DCAF8L2: variants seen among roughly 807,000 people sequenced by gnomAD.
DCAF8L2 encodes the protein DDB1- and CUL4-associated factor 8-like protein 2.
For missense variants in DCAF8L2, 430 were observed against 490.7 expected (o/e 0.88, Z 1.17); for synonymous variants, 200 against 190.9 (o/e 1.05, Z -0.39).
chrX:27,577,595 G>A, the DCAF8L2 span, among the ~76,000 whole-genome samples: 2 of 111,889 alleles, frequency 1.8e-5, no homozygotes, highest in Admixed American at 9.5e-5. Context: ...CAAATAAGAA[G>A]AGAGGAAGTC....
At chrX:27,586,928 G>A (rs1925914552), upstream of DCAF8L2, among the ~76,000 whole-genome samples, 1 of 110,737 alleles carries the variant, frequency 9.0e-6, no homozygotes, top group Non-Finnish European at 1.9e-5. Flanking sequence ...TATTTCTTGA[G>A]CTTTTGGAAA....
At chrX:27,669,235 A>AAAAC (rs756440219) in intron 2 of DCAF8L2, among the ~76,000 whole-genome samples, 17 of 111,338 alleles carry the variant, frequency 1.5e-4, no homozygotes, top group African/African-American at 4.2e-4. Flanking sequence ...TTAATAATAT[A>AAAAC]AAACATTTAT....
At chrX:27,589,114 AG>A, upstream of DCAF8L2, among the ~76,000 whole-genome samples, 1 of 15,199 alleles carries the variant, frequency 6.6e-5, no homozygotes, top group African/African-American at 2.6e-4. Flanking sequence ...ATTTAGTGGT[AG>A]AGATCCATGA....
intron 2 of DCAF8L2, among the ~76,000 whole-genome samples, chrX:27,635,073 C>A (rs921665943): frequency 3.6e-5 from 4 of 110,831 alleles, no homozygotes; most frequent in African/African-American, 1.3e-4. Flanking sequence ...AGCTCTTATG[C>A]GTAGTGTAAT....
intron 1 of DCAF8L2, among the ~76,000 whole-genome samples, chrX:27,599,320 G>GT (rs1214989205): frequency 2.7e-5 from 3 of 111,363 alleles, no homozygotes; most frequent in Non-Finnish European, 5.6e-5. Context: ...ATCTGGAGGA[G>GT]TCAAACTCAT....
At chrX:27,549,329 C>T in the DCAF8L2 span, among the ~76,000 whole-genome samples, 3 of 111,151 alleles carry the variant, frequency 2.7e-5, no homozygotes, top group Non-Finnish European at 3.8e-5. Flanking sequence ...AATTATTGAT[C>T]ACAAGTACAT....
the DCAF8L2 span, among the ~76,000 whole-genome samples, chrX:27,533,637 G>T: frequency 9.0e-6 from 1 of 111,078 alleles, no homozygotes; most frequent in Non-Finnish European, 1.9e-5. Flanking sequence ...ATCATATCTG[G>T]TGTATTCTTG....
intron 3 of DCAF8L2, among the ~76,000 whole-genome samples, chrX:27,713,791 G>T (rs1256370506): frequency 9.0e-6 from 1 of 111,417 alleles, no homozygotes; most frequent in East Asian, 2.8e-4. Context: ...GTGTTCCAAT[G>T]AAACTTGATT....
the DCAF8L2 span, among the ~76,000 whole-genome samples, chrX:27,573,233 A>ATCTCTC: frequency 0.016 from 1,320 of 83,451 alleles, 14 homozygotes; most frequent in African/African-American, 0.036. Context: ...TATTTAAGAA[A>ATCTCTC]TCTCTCTCTC....
chrX:27,669,559 T>C lies in DCAF8L2; in HGVS notation c.-219-8277T>C, dbSNP rs921021953. On this transcript the variant is annotated intron_variant, in intron 2 of 4. Transcript: ENST00000451261. Reference sequence around the variant, plus strand: ...GTTACATATGTATACATGCGCCATGTTAGTGTGCTGCACCCATTAACTCAT... The same window carrying C: ...GTTACATATGTATACATGCGCCATGCTAGTGTGCTGCACCCATTAACTCAT... Among the ~76,000 whole-genome samples, 7 of 109,957 alleles carry C rather than the reference T, an allele frequency of 6.4e-5. No homozygotes were observed. The Admixed American group carries it at 6.9e-4, about 11-fold the overall frequency.
chrX:27,477,944 A>G, the DCAF8L2 span, among the ~76,000 whole-genome samples: 1 of 111,510 alleles, frequency 9.0e-6, no homozygotes, highest in Non-Finnish European at 1.9e-5. Flanking sequence ...TAGCTCATCA[A>G]GTAGGGATAT....
chrX:27,702,050 G>A (rs888403387), intron 3 of DCAF8L2, among the ~76,000 whole-genome samples: 2 of 110,972 alleles, frequency 1.8e-5, no homozygotes, highest in Non-Finnish European at 3.8e-5. Flanking sequence ...CCTTAGATAC[G>A]AGAAAATAAT....
chrX:27,745,112 C>A (rs1602818479), intron 4 of DCAF8L2, among the ~76,000 whole-genome samples: 1 of 111,543 alleles, frequency 9.0e-6, no homozygotes, highest in African/African-American at 3.3e-5. Context: ...AACATGAATT[C>A]TTTTAAAGAA....
At chrX:27,556,310 C>A in the DCAF8L2 span, among the ~76,000 whole-genome samples, 1 of 111,605 alleles carries the variant, frequency 9.0e-6, no homozygotes, top group Non-Finnish European at 1.9e-5. Flanking sequence ...AAGACTACCC[C>A]AAAAGCTCAC....
At chrX:27,533,164 G>GAAAGAAAGAAAGAA in the DCAF8L2 span, among the ~76,000 whole-genome samples, 8 of 17,353 alleles carry the variant, frequency 4.6e-4, no homozygotes, top group Admixed American at 9.4e-4. Context: ...GAGAGAGAGA[G>GAAAGAAAGAAAGAA]AGAAAGAAAG....
chrX:27,742,047 T>C (rs955661086), intron 4 of DCAF8L2, among the ~76,000 whole-genome samples: 20 of 112,108 alleles, frequency 1.8e-4, no homozygotes, highest in African/African-American at 6.5e-4. Context: ...TTAATATTGT[T>C]TTCCCCCAAA....
Position 27,747,771 on chromosome X carries a change from C to G in DCAF8L2, c.876C>G (p.Ala292=), listed in dbSNP as rs771322751. 1.7e-6 allele frequency: 2 copies of G among 1,210,298 alleles called. No individual in the cohort carries two copies. Among genetic ancestry groups the G allele is most frequent in the Non-Finnish European group, 2.2e-6 (2 of 894,545 alleles). The change falls in exon 5 of 5, where the codon GCC becomes GCG. Residue 292 remains alanine, a synonymous_variant. Transcript: ENST00000451261. Reference sequence around the variant, plus strand: ...GTGATTCCACTCTGGCCATGTGTGCCCGTGATGGGCAGGTACGGGTAGCAG... The same window carrying G: ...GTGATTCCACTCTGGCCATGTGTGCGCGTGATGGGCAGGTACGGGTAGCAG... The part of the protein sequence containing the change: ...NCGDSTLAMC[A]RDGQVRVAEL...
chrX:27,522,221 T>C, the DCAF8L2 span, among the ~76,000 whole-genome samples: 3 of 111,690 alleles, frequency 2.7e-5, no homozygotes, highest in Non-Finnish European at 5.6e-5. Context: ...GAGACGGGTT[T>C]TCTCCATGTT....
the DCAF8L2 span, among the ~76,000 whole-genome samples, chrX:27,546,649 C>G: frequency 8.9e-6 from 1 of 112,407 alleles, no homozygotes; most frequent in South Asian, 3.7e-4. Flanking sequence ...GACTTTTGTG[C>G]ACCCACAGGC....
Sources: gnomAD v4.1 joint callset for allele counts (sites outside exome capture counted in the v4.1 genomes callset) on GRCh38, gnomAD v4.1.1 for gene constraint, MANE v1.5 for transcripts, NCBI Gene and HGNC (gene_info 2026-07-23, HGNC 2026-07-21) for gene names.